The following MAN1C1 variants were observed in gnomAD, a reference collection of about 807,000 sequenced individuals.
The protein encoded by MAN1C1 is mannosyl-oligosaccharide 1,2-alpha-mannosidase IC.
A neutral mutation model predicts 71.5 loss-of-function variants in MAN1C1; 49 were observed. The observed-to-expected ratio is 0.69, with a 90% CI of 0.54 to 0.87. The LOEUF is 0.87. MAN1C1 is among the 40% of genes least tolerant of loss of function. MAN1C1 has a pLI of 0.00. For missense variants in MAN1C1, 743 were observed against 835.0 expected, an observed-to-expected ratio of 0.89 and a Z score of 1.36; for synonymous variants, 352 against 343.7, an observed-to-expected ratio of 1.02 and a Z score of -0.27.
In MAN1C1 at chr1:25,778,068, G is replaced by T. The variant is rs371093670; in HGVS notation, c.1258-37G>T. ...CCCCCCCTTCTCTGTGCCCTCCCAC[G>T]CCCCTTCTCCCTGCCCAATCCCCAC... On this transcript the variant is annotated intron_variant, in intron 8 of 11. Transcript: ENST00000374332. This position sits in a 1 kb window ranked among gnomAD's most constrained non-coding sequence, Gnocchi z 5.5. 1 of 1,436,352 alleles carries T rather than the reference G, an allele frequency of 7.0e-7. No homozygotes were observed. The highest frequency in any genetic ancestry group is 9.4e-7 in the Non-Finnish European group (1 of 1,065,396). The allele number at this position is 1,436,352 out of a possible 1,614,324, so 89.0% of individuals were successfully genotyped here.
intron 2 of MAN1C1, among the ~76,000 whole-genome samples, chr1:25,704,213 C>T (rs1267540707): frequency 6.6e-6 from 1 of 152,320 alleles, no homozygotes; most frequent in South Asian, 2.1e-4. Flanking sequence ...TTCCTTCCTG[C>T]CCCCAGTCCT....
At chr1:25,692,255 A>AG (rs2046318757) in intron 2 of MAN1C1, among the ~76,000 whole-genome samples, 6 of 152,242 alleles carry the variant, frequency 3.9e-5, no homozygotes, top group Admixed American at 3.3e-4. Context: ...AGTCACCACT[A>AG]GCAACTAGAA....
chr1:25,747,456 G>A (rs559621380), intron 3 of MAN1C1, among the ~76,000 whole-genome samples: 2 of 152,242 alleles, frequency 1.3e-5, no homozygotes, highest in African/African-American at 2.4e-5. Context: ...AGCTCCCCAC[G>A]GAGAGAGGCT....
At chr1:25,726,255 G>A (rs979419484) in intron 2 of MAN1C1, among the ~76,000 whole-genome samples, 1 of 152,162 alleles carries the variant, frequency 6.6e-6, no homozygotes, top group Admixed American at 6.5e-5. Flanking sequence ...AAGGGAGGGA[G>A]GACCACCACG....
chr1:25,770,438 C>T (rs2047534916), intron 7 of MAN1C1, among the ~76,000 whole-genome samples: 1 of 152,158 alleles, frequency 6.6e-6, no homozygotes, highest in African/African-American at 2.4e-5. Context: ...GTCCCTTGGT[C>T]CTCACATTTG....
chr1:25,658,018 T>C (rs1190482318), intron 1 of MAN1C1, among the ~76,000 whole-genome samples: 5 of 152,200 alleles, frequency 3.3e-5, no homozygotes, highest in Non-Finnish European at 7.4e-5. Context: ...CCTGTGGTGC[T>C]CTACACCATC....
chr1:25,698,947 TG>T (rs1478918358), intron 2 of MAN1C1, among the ~76,000 whole-genome samples: 1 of 140,710 alleles, frequency 7.1e-6, no homozygotes, highest in African/African-American at 2.6e-5. Flanking sequence ...GACTCTGTCT[TG>T]GAAAAAAAAA....
At chr1:25,701,697 C>T (rs1169016570) in intron 2 of MAN1C1, among the ~76,000 whole-genome samples, 2 of 152,180 alleles carry the variant, frequency 1.3e-5, no homozygotes, top group South Asian at 2.1e-4. Context: ...ATTCAAAGGG[C>T]GTGCGATGTG....
At chr1:25,706,913 G>T (rs1224493762) in intron 2 of MAN1C1, among the ~76,000 whole-genome samples, 1 of 152,196 alleles carries the variant, frequency 6.6e-6, no homozygotes, top group African/African-American at 2.4e-5. Flanking sequence ...CCAGTACACA[G>T]GCAGAATAGG....
At chr1:25,729,774 T>G (rs2046885171) in intron 2 of MAN1C1, among the ~76,000 whole-genome samples, 1 of 151,872 alleles carries the variant, frequency 6.6e-6, no homozygotes, top group Non-Finnish European at 1.5e-5. Flanking sequence ...TCTCCCAAAG[T>G]GTTGGGATTA....
intron 1 of MAN1C1, chr1:25,644,799 G>A (rs2045590780): frequency 6.6e-6 from 1 of 152,286 alleles, no homozygotes; most frequent in South Asian, 2.1e-4. Flanking sequence ...TGGGATTACA[G>A]GCATGCGCCA....
At chr1:25,745,205 C>T (rs1338178165) in intron 2 of MAN1C1, among the ~76,000 whole-genome samples, 6 of 152,254 alleles carry the variant, frequency 3.9e-5, no homozygotes, top group Non-Finnish European at 8.8e-5. Context: ...TCAGCCTTTA[C>T]TCCCAGGACA....
chr1:25,679,951 ATATAT>A (rs368840611), intron 1 of MAN1C1, among the ~76,000 whole-genome samples: 1,730 of 112,792 alleles, frequency 0.015, 34 homozygotes, highest in African/African-American at 0.05. Context: ...AAAAAAAAAA[ATATAT>A]ATATATATAT....
chr1:25,759,228 G>A, intron 6 of MAN1C1: 1 of 169,564 alleles, frequency 5.9e-6, no homozygotes, highest in Non-Finnish European at 1.3e-5. Context: ...GCTGTTTAAG[G>A]CCACATGGGG....
At chr1:25,728,409 A>C (rs1220926378) in intron 2 of MAN1C1, among the ~76,000 whole-genome samples, 1 of 152,180 alleles carries the variant, frequency 6.6e-6, no homozygotes. Flanking sequence ...TGTTTGAGAG[A>C]AACAGGCTCA....
intron 1 of MAN1C1, among the ~76,000 whole-genome samples, chr1:25,625,292 G>A (rs893741459): frequency 6.6e-6 from 1 of 151,828 alleles, no homozygotes; most frequent in African/African-American, 2.4e-5. Flanking sequence ...GGTGTGAGCC[G>A]CACCCAGCCA....
intron 1 of MAN1C1, among the ~76,000 whole-genome samples, chr1:25,680,693 A>G (rs2046139358): frequency 6.6e-6 from 1 of 152,150 alleles, no homozygotes. Flanking sequence ...GGTATACCAC[A>G]TTCTGTTGAT....
In MAN1C1 at chr1:25,747,779, T is replaced by C. The variant is rs1273932996; in HGVS notation, c.753+996T>C. Among the ~76,000 whole-genome samples, 3 of 152,176 alleles carry C rather than the reference T, an allele frequency of 2.0e-5. No homozygotes were observed. The East Asian group carries it at 5.8e-4, about 29-fold the overall frequency. ...AAAGTCATTGACCCTCCCTGAGCCTTAGATTCCTCAACTATACAATGAGAA... is the reference window on the plus strand; with the variant it reads ...AAAGTCATTGACCCTCCCTGAGCCTCAGATTCCTCAACTATACAATGAGAA... On this transcript the variant is annotated intron_variant, in intron 3 of 11. Transcript: ENST00000374332.
At chr1:25,692,235 A>G (rs1337155181) in intron 2 of MAN1C1, among the ~76,000 whole-genome samples, 1 of 152,178 alleles carries the variant, frequency 6.6e-6, no homozygotes, top group Non-Finnish European at 1.5e-5. Context: ...AGCTCTGCCC[A>G]TCATGGCCAA....
Sources: gnomAD v4.1 joint callset for allele counts (sites outside exome capture counted in the v4.1 genomes callset) on GRCh38, gnomAD v4.1.1 for gene constraint, Gnocchi (gnomAD v3.1) non-coding constraint, MANE v1.5 for transcripts, NCBI Gene and HGNC (gene_info 2026-07-23, HGNC 2026-07-21) for gene names.